ZNF394: variants seen among roughly 807,000 people sequenced by gnomAD.
ZNF394 encodes the protein zinc finger protein 99.
Under a neutral mutation model 21.8 loss-of-function variants are expected in ZNF394, and 19 were observed. The observed-to-expected ratio is 0.87, with a 90% CI of 0.61 to 1.28. ZNF394 has a LOEUF of 1.28. Among genes scored for constraint, ZNF394 ranks in the 50% most tolerant of loss-of-function variants. The probability of loss-of-function intolerance (pLI) is 0.00; values close to 1 mark genes in which losing one functional copy is unlikely to be tolerated. For synonymous variants in ZNF394, 294 were observed against 273.3 expected (o/e 1.08, Z -0.75); for missense variants, 683 against 708.6 (o/e 0.96, Z 0.41).
In ZNF394 at chr7:99,500,030, C is replaced by T. The variant is rs765397392; in HGVS notation, c.64G>A (p.Ala22Thr). Reference protein sequence around the residue: ...SDAELGPWVMAARSKDAAPSQ... With the variant: ...SDAELGPWVMTARSKDAAPSQ... ...GGCGCCGCGTCCTTGGACCTCGCAG[C>T]CATCACCCAGGGTCCCAACTCGGCG... Residue 22 changes from alanine (A) to threonine (T), a missense_variant, in exon 1 of 3, where the codon GCT becomes ACT. Ala to Thr is a moderately conservative substitution (Grantham distance 58, BLOSUM62 0). Coordinates refer to ENST00000337673, the MANE Select transcript of ZNF394 (RefSeq NM_032164.4). 59 of 1,602,708 alleles carry T rather than the reference C, an allele frequency of 3.7e-5. 1 individual carries two copies. The highest frequency in any genetic ancestry group is 4.4e-5 in the Non-Finnish European group (52 of 1,177,354).
chr7:99,492,221 G>C (rs558909330), downstream of ZNF394, among the ~76,000 whole-genome samples: 1 of 152,250 alleles, frequency 6.6e-6, no homozygotes, highest in East Asian at 1.9e-4. Context: ...AGCTTTACCA[G>C]ATCTTTTGGG....
chr7:99,487,253 A>T (rs914477830), intron 1 of ZNF394: 3 of 1,614,116 alleles, frequency 1.9e-6, no homozygotes, highest in African/African-American at 2.7e-5. Flanking sequence ...GAATGTGGAC[A>T]GTCCTTTGGT....
Position 99,494,058 on chromosome 7 carries a change from T to A in ZNF394, c.1157A>T (p.Tyr386Phe). The change falls in exon 3 of 3, where the codon TAT (tyrosine) becomes TTT (phenylalanine). Residue 386 changes from tyrosine to phenylalanine, a missense_variant. Around this residue, in one of 3 missense-constraint regions of ZNF394, gnomAD observed 274 missense variants for 314.1 expected, o/e 0.87. Coordinates refer to ENST00000337673, the MANE Select transcript of ZNF394 (RefSeq NM_032164.4). Reference sequence around the variant, plus strand: ...GCTTTTCCCACATTCTTGGCAGCCATAGGGTTTCTCACCTGTGTGGATTCT... The same window carrying A: ...GCTTTTCCCACATTCTTGGCAGCCAAAGGGTTTCTCACCTGTGTGGATTCT... ...HQRIHTGEKP[Y>F]GCQECGKSFS... 6.2e-7 allele frequency: 1 copy of A among 1,614,166 alleles called. No individual in the cohort carries two copies. The highest frequency in any genetic ancestry group is 8.5e-7 in the Non-Finnish European group (1 of 1,180,028).
chr7:99,493,715 G>C lies in ZNF394; in HGVS notation c.1500C>G (p.Ser500=). Residue 500 remains serine, a synonymous_variant, in exon 3 of 3, where the codon TCC becomes TCG. Transcript: ENST00000337673. ...IHTGEKPYGC[S]VCGKRFNQSA... ...TCTGATTGAAGCGTTTCCCACAGAC[G>C]GAACATCCATAGGGCTTCTCCCCAG... 6.2e-7 allele frequency: 1 copy of C among 1,614,092 alleles called. No individual in the cohort carries two copies. Among genetic ancestry groups the C allele is most frequent in the Non-Finnish European group, 8.5e-7 (1 of 1,180,006 alleles).
rs775473049 is a variant in ZNF394 at position 99,493,846 on chromosome 7, A to C, written c.1369T>G (p.Phe457Val). Residue 457 changes from phenylalanine to valine, a missense_variant, in exon 3 of 3, where the codon TTT becomes GTT. Around this residue, in one of 3 missense-constraint regions of ZNF394, gnomAD observed 274 missense variants for 314.1 expected, o/e 0.87. Transcript: ENST00000337673. ...CGETCHISNL[F>V]RHQRLHKGER... ...CCTTTATGTAGTCTCTGATGTCTAA[A>C]AAGGTTGGAAATATGACAGGTTTCC... 6.2e-7 allele frequency: 1 copy of C among 1,614,038 alleles called. No individual in the cohort carries two copies. The highest frequency in any genetic ancestry group is 8.5e-7 in the Non-Finnish European group (1 of 1,180,012).
intron 1 of ZNF394, chr7:99,487,357 A>C (rs1333796054): frequency 6.2e-7 from 1 of 1,614,120 alleles, no homozygotes; most frequent in African/African-American, 1.3e-5. Flanking sequence ...TTTTAAGAGG[A>C]ATCTTTTTCG....
intron 2 of ZNF394, among the ~76,000 whole-genome samples, chr7:99,495,327 CTTATT>C (rs1283348891): frequency 6.8e-6 from 1 of 146,216 alleles, no homozygotes; most frequent in African/African-American, 2.5e-5. Flanking sequence ...TTTATCGTAT[CTTATT>C]TTATTTTTGA....
chr7:99,497,118 G>GTATATATATATATATA (rs755158094), intron 2 of ZNF394, among the ~76,000 whole-genome samples: 25 of 97,110 alleles, frequency 2.6e-4, no homozygotes, highest in Non-Finnish European at 4.0e-4. Flanking sequence ...GTGTGTGTGT[G>GTATATATATATATATA]TGTGTATATA....
intron 2 of ZNF394, among the ~76,000 whole-genome samples, chr7:99,497,120 G>GTGTGTA (rs1800347888): frequency 1.1e-5 from 1 of 91,380 alleles, no homozygotes; most frequent in East Asian, 3.4e-4. Context: ...GTGTGTGTGT[G>GTGTGTA]TGTATATATA....
chr7:99,489,006 C>T (rs1159529541), downstream of ZNF394, among the ~76,000 whole-genome samples: 2 of 151,094 alleles, frequency 1.3e-5, no homozygotes, highest in Admixed American at 1.3e-4. Context: ...GTAAGTCAGC[C>T]CGGCGCAGTG....
At chr7:99,490,619 G>C, downstream of ZNF394, among the ~76,000 whole-genome samples, 1 of 147,758 alleles carries the variant, frequency 6.8e-6, no homozygotes, top group Non-Finnish European at 1.5e-5. Flanking sequence ...GCGACAAAGT[G>C]AGACCTTTTT....
rs1310057932 is a variant in ZNF394, at chr7:99,494,321, AC to A, written c.893del (p.Cys298PhefsTer27). 8 of 1,614,222 alleles carry A rather than the reference AC, an allele frequency of 5.0e-6. No individual in the cohort carries two copies. Among genetic ancestry groups the A allele is most frequent in the Non-Finnish European group, 5.1e-6 (6 of 1,180,042 alleles). ...NSARCSNLVL[C>X]QHIPKAERPT... ...GCCTCTCTGCTTTCGGGATGTGCTGACATAGAACAAGGTTGGAACACCTGGC... is the reference window on the plus strand; with the variant it reads ...GCCTCTCTGCTTTCGGGATGTGCTGAATAGAACAAGGTTGGAACACCTGGC... On this transcript the variant is annotated frameshift_variant, in exon 3 of 3. Coordinates refer to ENST00000337673, the MANE Select transcript of ZNF394 (RefSeq NM_032164.4). LOFTEE classifies it low-confidence loss of function (END_TRUNC).
Position 99,494,523 on chromosome 7 carries a change from A to AG in ZNF394, c.691dup (p.Leu231ProfsTer4). On this transcript the variant is annotated frameshift_variant, in exon 3 of 3. Coordinates refer to ENST00000337673, the MANE Select transcript of ZNF394 (RefSeq NM_032164.4). LOFTEE classifies it low-confidence loss of function (END_TRUNC). ...ATGGGTACTGCCACACTTAGAAAACAGGGGGCGCTTCCCCTGGAACGCTTC... is the reference window on the plus strand; with the variant it reads ...ATGGGTACTGCCACACTTAGAAAACAGGGGGGCGCTTCCCCTGGAACGCTTC... The AG allele has an allele frequency of 6.2e-7, 1 of 1,613,654 alleles. No individual in the cohort carries two copies. Among genetic ancestry groups the AG allele is most frequent in the Non-Finnish European group, 8.5e-7 (1 of 1,179,984 alleles).
chr7:99,491,755 G>A (rs1263004896), downstream of ZNF394, among the ~76,000 whole-genome samples: 4 of 94,864 alleles, frequency 4.2e-5, no homozygotes, highest in African/African-American at 1.0e-4. Context: ...CAGCCTGGGC[G>A]ACAGAGAATC....
chr7:99,493,904 A>T lies in ZNF394; in HGVS notation c.1311T>A (p.Ser437Arg), dbSNP rs1197517022. The T allele has an allele frequency of 6.2e-7, 1 of 1,614,186 alleles. No homozygotes were observed. Among genetic ancestry groups the T allele is most frequent in the Non-Finnish European group, 8.5e-7 (1 of 1,180,026 alleles). ...CCTCACATTTAAAATGTTTGTCTCT[A>T]CTGTGGGTACTTTGATGACGATTTA... ...SHLNRHQSTH[S>R]RDKHFKCEEC... Residue 437 changes from serine to arginine, a missense_variant, in exon 3 of 3, where the codon AGT becomes AGA. Ser to Arg is a moderately radical substitution (Grantham distance 110). This residue lies in a region of ZNF394 where 274 missense variants were observed against 314.1 expected (regional missense o/e 0.87). Transcript: ENST00000337673.
rs529503677 is a variant in ZNF394, at chr7:99,493,245, A to G, written c.*284T>C. On this transcript the variant is annotated 3_prime_UTR_variant, in exon 3 of 3. Transcript: ENST00000337673. ...AACAGGCCAAGTCACATAGAAACAT[A>G]TCAAAATGACAGCACTTTATTTCTT... The G allele has an allele frequency of 8.8e-7, 1 of 1,132,048 alleles. No individual in the cohort carries two copies. Among genetic ancestry groups the G allele is most frequent in the Non-Finnish European group, 1.1e-6 (1 of 921,450 alleles). The allele number at this position is 1,132,048 out of a possible 1,614,324, so 70.1% of individuals were successfully genotyped here. A position where few individuals can be genotyped will look rare whatever the true frequency, so the allele number is the denominator to read the frequency against.
chr7:99,499,716 C>T lies in ZNF394; in HGVS notation c.378G>A (p.Glu126=). 6.2e-7 allele frequency: 1 copy of T among 1,613,846 alleles called. No homozygotes were observed. The highest frequency in any genetic ancestry group is 8.5e-7 in the Non-Finnish European group (1 of 1,180,026). ...CCTCCTCCCCGCTCTCTGGGCAGTG[C>T]TCTCGCACCCAGGCTTGAAGCTCCT... ...LPEELQAWVR[E]HCPESGEEAV... is the part of the protein sequence containing the mutation. The change falls in exon 1 of 3, where the codon GAG becomes GAA. Residue 126 remains glutamate (E), a synonymous_variant. Transcript: ENST00000337673.
chr7:99,499,762 T>C lies in ZNF394; in HGVS notation c.332A>G (p.Gln111Arg). Residue 111 changes from glutamine to arginine, a missense_variant, in exon 1 of 3, where the codon CAG becomes CGG. Gln to Arg is a conservative substitution (Grantham distance 43). Transcript: ENST00000337673. ...EQILELLVLE[Q>R]FLTILPEELQ... is the part of the protein sequence containing the mutation. ...CTCCTCGGGCAGGATGGTGAGGAAC[T>C]GCTCCAGCACCAGCAGCTCCAGGAT... 1 of 1,614,160 alleles carries C rather than the reference T, an allele frequency of 6.2e-7. No homozygotes were observed. The highest frequency in any genetic ancestry group is 8.5e-7 in the Non-Finnish European group (1 of 1,180,030).
rs374152966 is a variant in ZNF394, at chr7:99,494,389, T to C, written c.826A>G (p.Ile276Val). ...TTATTTTTAGAGTCTTCCCCTTCTA[T>C]GGAACCATTCTTATTGACATCTGAG... The part of the protein sequence containing the change: ...SISDVNKNGS[I>V]EGEDSKNNEL... The change falls in exon 3 of 3, where the codon ATA becomes GTA. Residue 276 changes from isoleucine (I) to valine (V), a missense_variant. By Grantham distance (29) the Ile-to-Val change is conservative. Transcript: ENST00000337673. 1 of 1,614,124 alleles carries C rather than the reference T, an allele frequency of 6.2e-7. No individual in the cohort carries two copies. The highest frequency in any genetic ancestry group is 1.3e-5 in the African/African-American group (1 of 74,946).
Sources: allele counts gnomAD v4.1 joint callset (sites outside exome capture counted in the v4.1 genomes callset), GRCh38; gene constraint gnomAD v4.1.1; regional missense constraint gnomAD v4.1.1; transcripts MANE v1.5; gene names NCBI Gene and HGNC (gene_info 2026-07-23, HGNC 2026-07-21).